The following AGMO variants were observed in gnomAD, a reference collection of about 807,000 sequenced individuals.
AGMO encodes alkylglycerol monooxygenase, also known as glyceryl-ether monooxygenase.
Under a neutral mutation model 60.2 loss-of-function variants are expected in AGMO, and 75 were observed. The observed-to-expected ratio is 1.25, with a 90% CI of 1.03 to 1.51. AGMO has a LOEUF of 1.51. AGMO is among the 40% of genes most tolerant of loss of function. The probability of loss-of-function intolerance (pLI) is 0.00; values close to 1 mark genes in which losing one functional copy is unlikely to be tolerated. For missense variants in AGMO, 763 were observed against 525.5 expected, an observed-to-expected ratio of 1.45 and a Z score of -4.42; for synonymous variants, 261 against 177.1, an observed-to-expected ratio of 1.47 and a Z score of -3.76.
chr7:15,510,166 A>G (rs570691412), intron 3 of AGMO, among the ~76,000 whole-genome samples: 5 of 152,074 alleles, frequency 3.3e-5, no homozygotes, highest in Admixed American at 3.3e-4. Context: ...CAACCTAAGC[A>G]TCTTTTGTTT....
At chr7:15,322,859 CAT>C (rs1202260630) in intron 12 of AGMO, among the ~76,000 whole-genome samples, 1 of 143,562 alleles carries the variant, frequency 7.0e-6, no homozygotes, top group Non-Finnish European at 1.5e-5. Flanking sequence ...AAATGTGACA[CAT>C]AACACAAAAT....
At chr7:15,266,120 G>A (rs918855613) in intron 12 of AGMO, among the ~76,000 whole-genome samples, 1 of 152,014 alleles carries the variant, frequency 6.6e-6, no homozygotes, top group African/African-American at 2.4e-5. Flanking sequence ...TGGTTGACAG[G>A]GGATCAGGGG....
chr7:15,355,865 G>T (rs1172603909), intron 12 of AGMO, among the ~76,000 whole-genome samples: 1 of 151,970 alleles, frequency 6.6e-6, no homozygotes, highest in African/African-American at 2.4e-5. Flanking sequence ...AATGACAAAG[G>T]ACTGATATTA....
chr7:15,214,446 C>T (rs1242047181), intron 12 of AGMO, among the ~76,000 whole-genome samples: 2 of 151,888 alleles, frequency 1.3e-5, no homozygotes, highest in African/African-American at 2.4e-5. Context: ...CTTCAATAAC[C>T]CCTAAAGTAT....
chr7:15,458,412 G>C (rs1158424241), intron 3 of AGMO, among the ~76,000 whole-genome samples: 1 of 152,200 alleles, frequency 6.6e-6, no homozygotes, highest in East Asian at 1.9e-4. Flanking sequence ...TGAAGCTTGG[G>C]AGTGGTGTGA....
chr7:15,498,149 G>A (rs1169480469), intron 3 of AGMO, among the ~76,000 whole-genome samples: 8 of 151,798 alleles, frequency 5.3e-5, no homozygotes, highest in Admixed American at 2.6e-4. Context: ...TATGTTATGC[G>A]GGAAAAACAC....
intron 12 of AGMO, among the ~76,000 whole-genome samples, chr7:15,253,796 C>T (rs1783016283): frequency 6.6e-6 from 1 of 152,096 alleles, no homozygotes; most frequent in African/African-American, 2.4e-5. Flanking sequence ...AGAACTTATT[C>T]CTCCTATGTA....
the AGMO span, among the ~76,000 whole-genome samples, chr7:15,180,924 T>C: frequency 6.6e-6 from 1 of 152,036 alleles, no homozygotes. Flanking sequence ...AGGCAGCAAA[T>C]GAAAGGGTGA....
At chr7:15,443,497 T>C (rs1168973332) in intron 3 of AGMO, among the ~76,000 whole-genome samples, 2 of 152,230 alleles carry the variant, frequency 1.3e-5, no homozygotes, top group African/African-American at 4.8e-5. Context: ...GATTTCATTA[T>C]TGTTTTTCAT....
chr7:15,243,329 C>A (rs1347454501), intron 12 of AGMO, among the ~76,000 whole-genome samples: 2 of 151,998 alleles, frequency 1.3e-5, no homozygotes, highest in African/African-American at 4.8e-5. Flanking sequence ...TATCTGTAGA[C>A]CCAAAAGAGC....
intron 12 of AGMO, among the ~76,000 whole-genome samples, chr7:15,251,284 T>C (rs192421062): frequency 5.9e-5 from 9 of 152,252 alleles, no homozygotes; most frequent in Admixed American, 4.6e-4. Flanking sequence ...ATTTGGAATT[T>C]TGAACTTAAA....
At chr7:15,428,781 C>A (rs530687292) in intron 4 of AGMO, among the ~76,000 whole-genome samples, 1 of 152,032 alleles carries the variant, frequency 6.6e-6, no homozygotes, top group Non-Finnish European at 1.5e-5. Context: ...TTCCCCAGAG[C>A]AACTTCAAAT....
chr7:15,498,955 A>T (rs563674753), intron 3 of AGMO, among the ~76,000 whole-genome samples: 1 of 152,086 alleles, frequency 6.6e-6, no homozygotes, highest in African/African-American at 2.4e-5. Flanking sequence ...TTTCATCCCC[A>T]AAGAAAGTAT....
At chr7:15,474,601 A>G (rs1163365468) in intron 3 of AGMO, among the ~76,000 whole-genome samples, 3 of 152,210 alleles carry the variant, frequency 2.0e-5, no homozygotes, top group African/African-American at 7.2e-5. Context: ...GACCTAGAAT[A>G]AAACCTAGGC....
At chr7:15,129,553 T>C in the AGMO span, among the ~76,000 whole-genome samples, 2 of 152,128 alleles carry the variant, frequency 1.3e-5, no homozygotes, top group Admixed American at 1.3e-4. Flanking sequence ...GTTAGAAAGG[T>C]AAAGTCCATA....
chr7:15,256,169 GA>G (rs1392122964), intron 12 of AGMO, among the ~76,000 whole-genome samples: 1 of 152,148 alleles, frequency 6.6e-6, no homozygotes, highest in African/African-American at 2.4e-5. Context: ...TATATCCAAG[GA>G]AACGAGAGTG....
chr7:15,426,640 T>A (rs1781071514), intron 4 of AGMO, among the ~76,000 whole-genome samples: 1 of 151,930 alleles, frequency 6.6e-6, no homozygotes, highest in Admixed American at 6.6e-5. Flanking sequence ...TCCCAGCTAC[T>A]CAGGAGGCAG....
In AGMO at chr7:15,217,361, C is replaced by G. The variant is rs10255589; in HGVS notation, c.1264-16002G>C. Among the ~76,000 whole-genome samples, 847 of 140,246 alleles carry G rather than the reference C, an allele frequency of 6.0e-3. 6 individuals carry two copies. Among genetic ancestry groups the G allele is most frequent in the African/African-American group, 0.021 (796 of 37,260 alleles). 92.0% of individuals were successfully genotyped at this position (140,246 alleles called of 152,430 possible). A position where few individuals can be genotyped will look rare whatever the true frequency, so the allele number is the denominator to read the frequency against. On this transcript the variant is annotated intron_variant, in intron 12 of 12. Transcript: ENST00000342526. ...GAACACATACATAATCTCTCTCTCT[C>G]TCTGTGTGTGTCTCTCTCTCTCACA...
rs537498183 is a variant in AGMO, at chr7:15,313,831, A to G, written c.1263+51683T>C. Among the ~76,000 whole-genome samples the G allele has an allele frequency of 1.3e-4, 20 of 152,130 alleles. No individual in the cohort carries two copies. In the East Asian group the frequency reaches 1.7e-3, roughly 13 times the overall value. On this transcript the variant is annotated intron_variant, in intron 12 of 12. Transcript: ENST00000342526. ...CAATAACTAATAATAACATAGTACAATTATAGCAATGTTCTGTAATAAAAG... is the reference window on the plus strand; with the variant it reads ...CAATAACTAATAATAACATAGTACAGTTATAGCAATGTTCTGTAATAAAAG...
Sources: gnomAD v4.1 joint callset for allele counts (sites outside exome capture counted in the v4.1 genomes callset) on GRCh38, gnomAD v4.1.1 for gene constraint, MANE v1.5 for transcripts, NCBI Gene and HGNC (gene_info 2026-07-23, HGNC 2026-07-21) for gene names.